Variants in USP37 observed in about 807,000 individuals in gnomAD.
The protein encoded by USP37 is ubiquitin specific peptidase 37.
In USP37, 27 loss-of-function variants were observed where a neutral mutation model predicts 124.0. That is an observed-to-expected ratio of 0.22 (90% CI 0.16 to 0.30). USP37 has a LOEUF of 0.30. Ranked by LOEUF, USP37 falls within the 10% of genes least tolerant of loss-of-function variation. The pLI is 1.00. For synonymous variants in USP37, 365 were observed against 388.0 expected (o/e 0.94, Z 0.70); for missense variants, 889 against 1,140.4 (o/e 0.78, Z 3.17).
rs559873675 is a variant in USP37 at position 218,451,451 on chromosome 2, A to G, written c.*3479T>C. ...TAAGAGTATCTACTGCAGTCATTTC[A>G]GAGGACAGAGAAGGAAAATATTTTA... is the stretch of plus-strand genomic sequence containing the variant. On this transcript the variant is annotated 3_prime_UTR_variant, in exon 26 of 26. Coordinates refer to ENST00000258399, the MANE Select transcript of USP37 (RefSeq NM_020935.3). The G allele has an allele frequency of 6.6e-6, 1 of 152,350 alleles. No individual in the cohort carries two copies. Among genetic ancestry groups the G allele is most frequent in the South Asian group, 2.1e-4 (1 of 4,830 alleles). The allele number at this position is 152,350 out of a possible 1,614,324, so 9.4% of individuals were successfully genotyped here.
In USP37 at chr2:218,451,728, G is replaced by GTC. The variant is rs1451510760; in HGVS notation, c.*3200_*3201dup. On this transcript the variant is annotated 3_prime_UTR_variant, in exon 26 of 26. Transcript: ENST00000258399. ...GATCAAGGAGAAAAATAAATGTGTA[G>GTC]TCTAACATTTGCTTTCTGGAGTTAA... The GTC allele has an allele frequency of 6.6e-6, 1 of 152,448 alleles. No individual in the cohort carries two copies. The highest frequency in any genetic ancestry group is 1.5e-5 in the Non-Finnish European group (1 of 68,034). The allele number at this position is 152,448 out of a possible 1,614,324, so 9.4% of individuals were successfully genotyped here.
At chr2:218,492,271 A>C (rs1278636930) in intron 14 of USP37, among the ~76,000 whole-genome samples, 1 of 152,158 alleles carries the variant, frequency 6.6e-6, no homozygotes, top group Non-Finnish European at 1.5e-5. Flanking sequence ...AAATAGAGGA[A>C]ATGGTAAGTG....
In USP37 at chr2:218,482,249, A is replaced by G. The variant is rs1455113279; in HGVS notation, c.1671-15T>C. 1.9e-6 allele frequency: 3 copies of G among 1,604,404 alleles called. No individual in the cohort carries two copies. Among genetic ancestry groups the G allele is most frequent in the African/African-American group, 2.7e-5 (2 of 74,668 alleles). ...GAATGAGGACCCTGAAAAACAGGAG[A>G]TGACAACCTTACTAATTCATACATA... On this transcript the variant is annotated splice_polypyrimidine_tract_variant and intron_variant, in intron 16 of 25. Transcript: ENST00000258399.
At chr2:218,488,013 G>A (rs992063491) in intron 15 of USP37, among the ~76,000 whole-genome samples, 3 of 150,924 alleles carry the variant, frequency 2.0e-5, no homozygotes, top group African/African-American at 4.9e-5. Flanking sequence ...ATGAAACCAC[G>A]ACTCTACCAA....
intron 8 of USP37, among the ~76,000 whole-genome samples, chr2:218,541,730 T>A (rs1376065326): frequency 6.6e-6 from 1 of 152,074 alleles, no homozygotes; most frequent in Non-Finnish European, 1.5e-5. Flanking sequence ...AGCAACAATA[T>A]GAAGAATCCA....
chr2:218,554,991 C>T (rs1366130324), intron 4 of USP37, among the ~76,000 whole-genome samples: 1 of 151,926 alleles, frequency 6.6e-6, no homozygotes, highest in Non-Finnish European at 1.5e-5. Flanking sequence ...ATCATATGGA[C>T]CTGAAAACTC....
At chr2:218,508,322 G>A (rs989761909) in intron 11 of USP37, among the ~76,000 whole-genome samples, 1 of 149,534 alleles carries the variant, frequency 6.7e-6, no homozygotes, top group Admixed American at 6.7e-5. Context: ...TACTTACACT[G>A]CTTGAAATTA....
intron 1 of USP37, among the ~76,000 whole-genome samples, chr2:218,567,898 G>A (rs1693728743): frequency 6.6e-6 from 1 of 152,184 alleles, no homozygotes; most frequent in African/African-American, 2.4e-5. Flanking sequence ...CCTGTTAGAA[G>A]GTAAGAGGCG....
chr2:218,538,350 T>A (rs2106033718), intron 8 of USP37, among the ~76,000 whole-genome samples: 1 of 152,222 alleles, frequency 6.6e-6, no homozygotes, highest in South Asian at 2.1e-4. Context: ...AAATAGGGGC[T>A]TGGAACGAGC....
At chr2:218,534,909 C>T (rs1220447340) in intron 8 of USP37, among the ~76,000 whole-genome samples, 1 of 152,164 alleles carries the variant, frequency 6.6e-6, no homozygotes, top group East Asian at 1.9e-4. Flanking sequence ...ATTACTATCT[C>T]AAGAGCCAAT....
intron 4 of USP37, among the ~76,000 whole-genome samples, chr2:218,554,100 C>T (rs1166127964): frequency 6.6e-6 from 1 of 152,128 alleles, no homozygotes; most frequent in South Asian, 2.1e-4. Flanking sequence ...CAAATGGAGA[C>T]ATTAATTAAA....
chr2:218,458,201 G>A (rs1689804700), intron 23 of USP37, among the ~76,000 whole-genome samples: 1 of 140,416 alleles, frequency 7.1e-6, no homozygotes, highest in African/African-American at 2.6e-5. Context: ...AAATGCATGA[G>A]CCAAGAGCAC....
At chr2:218,530,968 A>T (rs1035071783) in intron 9 of USP37, among the ~76,000 whole-genome samples, 10 of 152,234 alleles carry the variant, frequency 6.6e-5, no homozygotes, top group African/African-American at 2.4e-4. Context: ...GAGCTGGTTC[A>T]TCAGGTTTAA....
At chr2:218,456,786 A>G (rs974974504) in intron 24 of USP37, among the ~76,000 whole-genome samples, 4 of 152,114 alleles carry the variant, frequency 2.6e-5, no homozygotes, top group African/African-American at 7.2e-5. Flanking sequence ...CCTGGCCAAT[A>G]TGGTGAAACC....
chr2:218,498,325 A>T, intron 11 of USP37, 168 bp from the exon 12 acceptor site: 3 of 548,464 alleles, frequency 5.5e-6, no homozygotes, highest in African/African-American at 2.0e-5. Context: ...TTTGGACACA[A>T]ATGTGTCCAA....
intron 14 of USP37, among the ~76,000 whole-genome samples, chr2:218,491,156 G>A (rs1450501179): frequency 6.6e-6 from 1 of 152,190 alleles, no homozygotes; most frequent in African/African-American, 2.4e-5. Flanking sequence ...TTACAGGCAT[G>A]AGCCACCATG....
chr2:218,451,618 A>G lies in USP37; in HGVS notation c.*3312T>C, dbSNP rs1689481616. On this transcript the variant is annotated 3_prime_UTR_variant, in exon 26 of 26. Transcript: ENST00000258399. The stretch of plus-strand genomic sequence containing the variant: ...TGTATAGTTACATAATGGTAACTAC[A>G]CACGATACAGAAGAATCAGTAAATT... The G allele has an allele frequency of 6.6e-6, 1 of 152,118 alleles. No homozygotes were observed. Among genetic ancestry groups the G allele is most frequent in the Non-Finnish European group, 1.5e-5 (1 of 68,040 alleles). 9.4% of individuals were successfully genotyped at this position (152,118 alleles called of 1,614,324 possible).
chr2:218,517,150 T>G (rs982147158), intron 10 of USP37, among the ~76,000 whole-genome samples: 1 of 152,238 alleles, frequency 6.6e-6, no homozygotes, highest in Non-Finnish European at 1.5e-5. Flanking sequence ...TGTAGCTGAC[T>G]CTTTTACCTT....
chr2:218,482,314 G>T, intron 16 of USP37, 80 bp from the exon 17 acceptor site: 1 of 1,401,206 alleles, frequency 7.1e-7, no homozygotes, highest in Non-Finnish European at 9.5e-7. Flanking sequence ...ATCACTCTAT[G>T]TTAGACGACT....
Sources: gnomAD v4.1 joint callset for allele counts (sites outside exome capture counted in the v4.1 genomes callset) on GRCh38, gnomAD v4.1.1 for gene constraint, MANE v1.5 for transcripts, NCBI Gene and HGNC (gene_info 2026-07-23, HGNC 2026-07-21) for gene names.